ITPKB: variants seen among roughly 807,000 people sequenced by gnomAD.
ITPKB encodes inositol-trisphosphate 3-kinase B.
A neutral mutation model predicts 69.4 loss-of-function variants in ITPKB; 13 were observed. The observed-to-expected ratio is 0.19, with a 90% CI of 0.12 to 0.30. ITPKB has a LOEUF of 0.30. Among genes scored for constraint, ITPKB ranks in the 10% least tolerant of loss-of-function variants. ITPKB has a pLI of 1.00. For synonymous variants in ITPKB, 584 were observed against 513.7 expected (o/e 1.14, Z -1.85); for missense variants, 1,240 against 1,250.5 (o/e 0.99, Z 0.13).
chr1:226,669,003 CAAT>C (rs1408080820), intron 2 of ITPKB: 1 of 152,112 alleles, frequency 6.6e-6, no homozygotes, highest in Non-Finnish European at 1.5e-5. Flanking sequence ...ACACAAAATT[CAAT>C]AATAGAAATG....
rs978558958 is a variant in ITPKB at position 226,641,616 on chromosome 1, C to G, written c.2451+305G>C. Among the ~76,000 whole-genome samples the G allele has an allele frequency of 6.6e-6, 1 of 152,238 alleles. No individual in the cohort carries two copies. Among genetic ancestry groups the G allele is most frequent in the Non-Finnish European group, 1.5e-5 (1 of 68,042 alleles). ...TGAACCAGCTACCCCACAGGCATCC[C>G]GCAGGTGCCTCTCGCCTGGCTTTCG... is the stretch of plus-strand genomic sequence containing the variant. On this transcript the variant is annotated intron_variant, in intron 5 of 7. Transcript: ENST00000429204. The surrounding 1 kb of genome is among the most constrained non-coding windows in gnomAD (Gnocchi z 4.6).
intron 2 of ITPKB, among the ~76,000 whole-genome samples, chr1:226,703,300 C>T (rs796904958): frequency 1.4e-4 from 21 of 152,334 alleles, no homozygotes; most frequent in African/African-American, 5.1e-4. Context: ...CCAGGCGTGC[C>T]TCCATTTCTC....
At chr1:226,674,473 A>G (rs1669685665) in intron 2 of ITPKB, among the ~76,000 whole-genome samples, 1 of 152,136 alleles carries the variant, frequency 6.6e-6, no homozygotes, top group Non-Finnish European at 1.5e-5. Flanking sequence ...CTGGAATTAC[A>G]GGCGTGAGCC....
intron 4 of ITPKB, among the ~76,000 whole-genome samples, chr1:226,644,990 A>G (rs1232685797): frequency 6.6e-6 from 1 of 152,202 alleles, no homozygotes; most frequent in Non-Finnish European, 1.5e-5. Flanking sequence ...GCTGGGCTGC[A>G]GCTGGGGGCC....
At chr1:226,647,063 C>A in intron 4 of ITPKB, 104 bp downstream of exon 4, 1 of 953,480 alleles carries the variant, frequency 1.0e-6, no homozygotes, top group Non-Finnish European at 1.6e-6. Context: ...CTCAGCCTGC[C>A]CTTGCACCTG....
chr1:226,641,884 G>T lies in ITPKB; in HGVS notation c.2451+37C>A. ...AGCCAAGCCCCCTGAGGTGGGCACG[G>T]GTGGGGCCCGAGGCTGCCCTCACTC... On this transcript the variant is annotated intron_variant, in intron 5 of 7. Transcript: ENST00000429204. This position sits in a 1 kb window ranked among gnomAD's most constrained non-coding sequence, Gnocchi z 4.6. 1.3e-6 allele frequency: 2 copies of T among 1,586,204 alleles called. No individual in the cohort carries two copies. The highest frequency in any genetic ancestry group is 1.7e-6 in the Non-Finnish European group (2 of 1,160,058).
Position 226,664,033 on chromosome 1 carries a change from C to T in ITPKB, c.1933-15262G>A, listed in dbSNP as rs541080036. On this transcript the variant is annotated intron_variant, in intron 2 of 7. Coordinates refer to ENST00000429204, the MANE Select transcript of ITPKB (RefSeq NM_002221.4). ...AGCATCGACATCCGTAGAGGCTGGTCCAGTTTTCTATCTAAGAGATCTTAA... is the reference window on the plus strand; with the variant it reads ...AGCATCGACATCCGTAGAGGCTGGTTCAGTTTTCTATCTAAGAGATCTTAA... Among the ~76,000 whole-genome samples the T allele has an allele frequency of 1.7e-3, 255 of 152,260 alleles. 2 individuals are homozygous for T. The highest frequency in any genetic ancestry group is 6.0e-3 in the African/African-American group (248 of 41,560).
chr1:226,727,377 T>G (rs1657457755), intron 2 of ITPKB, among the ~76,000 whole-genome samples: 1 of 152,178 alleles, frequency 6.6e-6, no homozygotes, highest in South Asian at 2.1e-4. Context: ...TGCTGGGAAC[T>G]GCCTGGGGGT....
intron 2 of ITPKB, among the ~76,000 whole-genome samples, chr1:226,671,907 C>T (rs182450010): frequency 6.6e-6 from 1 of 152,286 alleles, no homozygotes; most frequent in Non-Finnish European, 1.5e-5. Flanking sequence ...GTTTTTTAGG[C>T]TGTTCTTAGG....
At chr1:226,657,923 G>A (rs933204615) in intron 2 of ITPKB, among the ~76,000 whole-genome samples, 1 of 152,164 alleles carries the variant, frequency 6.6e-6, no homozygotes, top group Non-Finnish European at 1.5e-5. Context: ...TTTCAGATGG[G>A]GGAGGCCTGA....
intron 2 of ITPKB, among the ~76,000 whole-genome samples, chr1:226,682,901 G>C (rs969164542): frequency 6.6e-6 from 1 of 152,186 alleles, no homozygotes; most frequent in African/African-American, 2.4e-5. Context: ...TTTACAGGGA[G>C]AGTCTAGCTG....
chr1:226,640,023 C>T (rs1175838144), intron 5 of ITPKB, among the ~76,000 whole-genome samples: 1 of 152,166 alleles, frequency 6.6e-6, no homozygotes, highest in Non-Finnish European at 1.5e-5. Flanking sequence ...CTCGACTTCC[C>T]ACTCTGGGGC....
At chr1:226,725,876 G>A (rs1416957604) in intron 2 of ITPKB, among the ~76,000 whole-genome samples, 2 of 152,156 alleles carry the variant, frequency 1.3e-5, no homozygotes, top group South Asian at 2.1e-4. Flanking sequence ...TCACTGCTCC[G>A]TCCACCTCAG....
intron 2 of ITPKB, chr1:226,676,368 A>G (rs1383428744): frequency 2.0e-5 from 3 of 152,232 alleles, no homozygotes; most frequent in Non-Finnish European, 4.4e-5. Context: ...CCAAGCGTTC[A>G]AAGGGATCCT....
rs888865677 is a variant in ITPKB at position 226,735,882 on chromosome 1, A to T, written c.1577T>A (p.Val526Glu). The T allele has an allele frequency of 6.2e-7, 1 of 1,609,870 alleles. No homozygotes were observed. Among genetic ancestry groups the T allele is most frequent in the Non-Finnish European group, 8.5e-7 (1 of 1,177,002 alleles). Residue 526 changes from valine (V) to glutamate (E), a missense_variant, in exon 2 of 8, where the codon GTG becomes GAG. Coordinates refer to ENST00000429204, the MANE Select transcript of ITPKB (RefSeq NM_002221.4). ...AGLAWTRGTG[V>E]QSEGTWESQR... ...GCTTTCCCAAGTCCCCTCTGATTGC[A>T]CCCCTGTGCCACGCGTCCAAGCCAA...
chr1:226,640,729 A>G (rs1028562493), intron 5 of ITPKB, among the ~76,000 whole-genome samples: 1 of 152,178 alleles, frequency 6.6e-6, no homozygotes, highest in Non-Finnish European at 1.5e-5. Flanking sequence ...ATTTGCATCC[A>G]GTCTCAGAGC....
chr1:226,660,596 C>A (rs899117416), intron 2 of ITPKB, among the ~76,000 whole-genome samples: 1 of 152,116 alleles, frequency 6.6e-6, no homozygotes, highest in Non-Finnish European at 1.5e-5. Context: ...AGGAGAGAGG[C>A]GAGAGAGGAA....
rs764576832 is a variant in ITPKB, at chr1:226,736,330, G to A, written c.1129C>T (p.Leu377=). The change falls in exon 2 of 8, where the codon CTG becomes TTG. Residue 377 remains leucine (L), a synonymous_variant. Transcript: ENST00000429204. ...CCAGAGCCCGGCATGCCACAGGGCA[G>A]ATATCCTTTCCCCATCTTCCCAGGG... ...EPPGKMGKGY[L]PCGMPGSGEP... is the part of the protein sequence containing the mutation. The A allele has an allele frequency of 6.8e-6, 11 of 1,612,350 alleles. No homozygotes were observed. Among genetic ancestry groups the A allele is most frequent in the Non-Finnish European group, 9.3e-6 (11 of 1,179,532 alleles).
At position 226,738,495 on chromosome 1, in the gene ITPKB, C is replaced by A. The variant is rs970541826; in HGVS notation, c.-206+546G>T. Among the ~76,000 whole-genome samples the A allele has an allele frequency of 1.3e-5, 2 of 152,076 alleles. No individual in the cohort carries two copies. The highest frequency in any genetic ancestry group is 2.4e-5 in the African/African-American group (1 of 41,578). ...GTGTGTATACACGCGTGTGTGTATA[C>A]GCCGCACGCGCGCGGAGCGAGTCCG... On this transcript the variant is annotated intron_variant, in intron 1 of 7. Coordinates refer to ENST00000429204, the MANE Select transcript of ITPKB (RefSeq NM_002221.4). The surrounding 1 kb of genome is among the most constrained non-coding windows in gnomAD (Gnocchi z 4.2).
Sources: gnomAD v4.1 joint callset for allele counts (sites outside exome capture counted in the v4.1 genomes callset) on GRCh38, gnomAD v4.1.1 for gene constraint, Gnocchi (gnomAD v3.1) non-coding constraint, MANE v1.5 for transcripts, NCBI Gene and HGNC (gene_info 2026-07-23, HGNC 2026-07-21) for gene names.